PLPPR1: variants seen among roughly 807,000 people sequenced by gnomAD.
PLPPR1 encodes phospholipid phosphatase related 1.
In PLPPR1, 10 loss-of-function variants were observed where a neutral mutation model predicts 33.1. The ratio of observed to expected loss-of-function variants is 0.30; its 90% CI spans 0.19 to 0.51. PLPPR1 has a LOEUF of 0.51. Among genes scored for constraint, PLPPR1 ranks in the 20% least tolerant of loss-of-function variants. The pLI is 0.97. For missense variants in PLPPR1, 304 were observed against 408.1 expected (o/e 0.74, Z 2.20); for synonymous variants, 151 against 151.0 (o/e 1.00, Z 0.00).
chr9:101,078,653 A>C (rs1253440772), intron 1 of PLPPR1, among the ~76,000 whole-genome samples: 3 of 152,064 alleles, frequency 2.0e-5, no homozygotes, highest in Admixed American at 2.0e-4. Flanking sequence ...AGATGGTACC[A>C]CTACACTCCA....
chr9:101,072,189 A>G (rs1830489485), intron 1 of PLPPR1, among the ~76,000 whole-genome samples: 1 of 152,076 alleles, frequency 6.6e-6, no homozygotes, highest in Admixed American at 6.6e-5. Context: ...CATTTTTGCA[A>G]ATCCACTGCA....
chr9:101,156,416 G>T (rs540600979), intron 1 of PLPPR1, among the ~76,000 whole-genome samples: 1 of 151,948 alleles, frequency 6.6e-6, no homozygotes, highest in Non-Finnish European at 1.5e-5. Context: ...CAGGTATGGT[G>T]GTGTCTGCCT....
intron 1 of PLPPR1, among the ~76,000 whole-genome samples, chr9:101,075,687 G>A (rs1830526653): frequency 6.6e-6 from 1 of 152,228 alleles, no homozygotes; most frequent in Non-Finnish European, 1.5e-5. Context: ...TAAACAGCCA[G>A]AGGAATTCCT....
chr9:101,050,855 A>G (rs1448152691), intron 1 of PLPPR1, among the ~76,000 whole-genome samples: 1 of 152,170 alleles, frequency 6.6e-6, no homozygotes, highest in African/African-American at 2.4e-5. Flanking sequence ...TTGTGTTACC[A>G]CAACCTCTTA....
At chr9:101,209,442 A>G (rs966852857) in intron 2 of PLPPR1, among the ~76,000 whole-genome samples, 1 of 152,172 alleles carries the variant, frequency 6.6e-6, no homozygotes, top group African/African-American at 2.4e-5. Flanking sequence ...TTTGCTCCTT[A>G]TCTATCACTC....
intron 1 of PLPPR1, among the ~76,000 whole-genome samples, chr9:101,097,196 T>A (rs1830829891): frequency 6.6e-6 from 1 of 152,164 alleles, no homozygotes; most frequent in South Asian, 2.1e-4. Context: ...AGTTTCTGAT[T>A]CAGCAGATTA....
chr9:101,125,892 A>G, intron 1 of PLPPR1: 1 of 428,774 alleles, frequency 2.3e-6, no homozygotes, highest in Admixed American at 3.3e-5. Flanking sequence ...CACAAACACC[A>G]CAATGAACAC....
chr9:101,265,090 C>G (rs754377503), intron 2 of PLPPR1, among the ~76,000 whole-genome samples: 2 of 152,180 alleles, frequency 1.3e-5, no homozygotes, highest in Non-Finnish European at 2.9e-5. Flanking sequence ...ATCCTCTTCT[C>G]TCAGCTTTGT....
At chr9:101,281,793 A>G (rs1172159623) in intron 3 of PLPPR1, among the ~76,000 whole-genome samples, 1 of 152,284 alleles carries the variant, frequency 6.6e-6, no homozygotes, top group East Asian at 1.9e-4. Flanking sequence ...ATATTAGACT[A>G]TTATGAACAA....
chr9:101,091,195 C>A (rs1420511641), intron 1 of PLPPR1, among the ~76,000 whole-genome samples: 1 of 152,132 alleles, frequency 6.6e-6, no homozygotes, highest in Non-Finnish European at 1.5e-5. Context: ...TGTTTCCTTA[C>A]AGAAACACCA....
chr9:101,084,080 G>A (rs190565196), intron 1 of PLPPR1, among the ~76,000 whole-genome samples: 6 of 152,280 alleles, frequency 3.9e-5, no homozygotes, highest in African/African-American at 1.4e-4. Flanking sequence ...CACACAAGGG[G>A]ACTTTGACTC....
chr9:101,314,487 G>A (rs543219212), intron 6 of PLPPR1, among the ~76,000 whole-genome samples: 1 of 152,176 alleles, frequency 6.6e-6, no homozygotes, highest in East Asian at 1.9e-4. Flanking sequence ...CCAGACCATT[G>A]CAACAGTGAA....
At chr9:101,159,501 T>C (rs1284261732) in intron 1 of PLPPR1, among the ~76,000 whole-genome samples, 1 of 152,210 alleles carries the variant, frequency 6.6e-6, no homozygotes, top group East Asian at 1.9e-4. Context: ...CAAGGGGACA[T>C]GGAGCTGAAA....
At chr9:101,158,583 C>T (rs530221198) in intron 1 of PLPPR1, among the ~76,000 whole-genome samples, 19 of 152,266 alleles carry the variant, frequency 1.2e-4, no homozygotes, top group East Asian at 5.8e-4. Flanking sequence ...CATCATGAGT[C>T]GCTGGAACTT....
intron 1 of PLPPR1, among the ~76,000 whole-genome samples, chr9:101,070,915 A>T (rs1386890155): frequency 1.3e-5 from 2 of 152,204 alleles, no homozygotes; most frequent in Non-Finnish European, 2.9e-5. Context: ...CTGAGTTAAA[A>T]TGAATTAATC....
chr9:101,254,027 T>C (rs565651885), intron 2 of PLPPR1, among the ~76,000 whole-genome samples: 1 of 152,144 alleles, frequency 6.6e-6, no homozygotes, highest in East Asian at 1.9e-4. Flanking sequence ...TGATTAAGAG[T>C]AGAAAATCTA....
At chr9:101,226,563 T>C (rs1465736345) in intron 2 of PLPPR1, among the ~76,000 whole-genome samples, 1 of 152,136 alleles carries the variant, frequency 6.6e-6, no homozygotes, top group Non-Finnish European at 1.5e-5. Flanking sequence ...CATAGATGAC[T>C]GTCTTCTCCT....
At chr9:101,290,921 CAGACAGTGGGCGCA>C (rs1828487169) in intron 4 of PLPPR1, among the ~76,000 whole-genome samples, 1 of 152,184 alleles carries the variant, frequency 6.6e-6, no homozygotes. Context: ...TAGGGAGTGC[CAGACAGTGGGCGCA>C]GGACAGTGGG....
intron 1 of PLPPR1, among the ~76,000 whole-genome samples, chr9:101,159,027 A>G (rs148648658): frequency 1.3e-5 from 2 of 152,336 alleles, no homozygotes; most frequent in East Asian, 3.9e-4. Flanking sequence ...TGAGAGTCAA[A>G]CATGTTTAAT....
Sources: allele counts gnomAD v4.1 joint callset (sites outside exome capture counted in the v4.1 genomes callset), GRCh38; gene constraint gnomAD v4.1.1; transcripts MANE v1.5; gene names NCBI Gene and HGNC (gene_info 2026-07-23, HGNC 2026-07-21).